Variants in ZNF385B observed in about 807,000 individuals in gnomAD.
The protein encoded by ZNF385B is zinc finger protein 385B, also known as zinc finger protein 533.
ZNF385B carries 23 observed loss-of-function variants against 39.2 expected under a neutral mutation model. The ratio of observed to expected loss-of-function variants is 0.59; its 90% confidence interval spans 0.42 to 0.83. The LOEUF is 0.83. Ranked by LOEUF, ZNF385B falls within the 40% of genes least tolerant of loss-of-function variation. The pLI, the probability that ZNF385B is intolerant of heterozygous loss-of-function variation, is 0.00. For synonymous variants in ZNF385B, 205 were observed against 222.6 expected, an observed-to-expected ratio of 0.92 and a Z score of 0.70; for missense variants, 552 against 598.9, an observed-to-expected ratio of 0.92 and a Z score of 0.82.
intron 5 of ZNF385B, among the ~76,000 whole-genome samples, chr2:179,508,005 A>G (rs545253879): frequency 6.6e-6 from 1 of 152,322 alleles, no homozygotes; most frequent in South Asian, 2.1e-4. Context: ...GAGAGATGAA[A>G]GTAGCTAAAG....
intron 3 of ZNF385B, among the ~76,000 whole-genome samples, chr2:179,640,688 G>A (rs938707747): frequency 6.6e-6 from 1 of 152,092 alleles, no homozygotes; most frequent in Non-Finnish European, 1.5e-5. Flanking sequence ...TAAGACAACT[G>A]CTGCTTTGAA....
intron 9 of ZNF385B, 81 bp downstream of exon 9, chr2:179,444,795 C>T (rs2049300089): frequency 2.6e-6 from 3 of 1,162,442 alleles, no homozygotes; most frequent in South Asian, 2.5e-5. Context: ...ACATTAGACT[C>T]TATGCCCTCC....
At chr2:179,545,525 G>A (rs902814795) in intron 3 of ZNF385B, among the ~76,000 whole-genome samples, 2 of 151,960 alleles carry the variant, frequency 1.3e-5, no homozygotes, top group African/African-American at 4.8e-5. Flanking sequence ...CTCTTACTTT[G>A]AAGTAAATGG....
At chr2:179,794,259 C>G (rs1705514801) in intron 1 of ZNF385B, among the ~76,000 whole-genome samples, 1 of 152,156 alleles carries the variant, frequency 6.6e-6, no homozygotes, top group African/African-American at 2.4e-5. Flanking sequence ...TATGCCCACC[C>G]AACCTCCACA....
intron 1 of ZNF385B, among the ~76,000 whole-genome samples, chr2:179,790,872 G>A (rs1413713100): frequency 6.6e-6 from 1 of 152,148 alleles, no homozygotes; most frequent in Non-Finnish European, 1.5e-5. Flanking sequence ...AGCTTTGTTT[G>A]TTATTTGCTT....
At chr2:179,730,054 G>C (rs1701289409) in intron 3 of ZNF385B, among the ~76,000 whole-genome samples, 1 of 152,154 alleles carries the variant, frequency 6.6e-6, no homozygotes, top group Non-Finnish European at 1.5e-5. Flanking sequence ...CCCCAGGCTA[G>C]GGTTGCTTTA....
intron 6 of ZNF385B, among the ~76,000 whole-genome samples, chr2:179,459,754 C>A (rs1360036976): frequency 1.3e-5 from 2 of 150,332 alleles, no homozygotes; most frequent in African/African-American, 2.4e-5. Flanking sequence ...TAATAAATAT[C>A]AAAGCACATA....
At chr2:179,826,191 C>T (rs1707673187) in intron 1 of ZNF385B, among the ~76,000 whole-genome samples, 1 of 152,104 alleles carries the variant, frequency 6.6e-6, no homozygotes, top group South Asian at 2.1e-4. Flanking sequence ...AATTGTCAAA[C>T]AAGAATGGAG....
At chr2:179,795,380 G>T (rs1005051173) in intron 1 of ZNF385B, among the ~76,000 whole-genome samples, 1 of 152,094 alleles carries the variant, frequency 6.6e-6, no homozygotes, top group African/African-American at 2.4e-5. Flanking sequence ...TCCCTTGAAG[G>T]CAAAAAGAGA....
chr2:179,552,632 G>A (rs753611482), intron 3 of ZNF385B, among the ~76,000 whole-genome samples: 1 of 148,454 alleles, frequency 6.7e-6, no homozygotes, highest in Non-Finnish European at 1.5e-5. Flanking sequence ...CAGGATAATT[G>A]CCATCACCGC....
intron 3 of ZNF385B, among the ~76,000 whole-genome samples, chr2:179,761,269 G>A (rs972344418): frequency 6.6e-6 from 1 of 152,060 alleles, no homozygotes; most frequent in Non-Finnish European, 1.5e-5. Flanking sequence ...TCTTGTCTAT[G>A]TCTACAAAAA....
At chr2:179,621,822 C>T (rs192057535) in intron 3 of ZNF385B, among the ~76,000 whole-genome samples, 76 of 152,228 alleles carry the variant, frequency 5.0e-4, no homozygotes, top group Admixed American at 1.5e-3. Flanking sequence ...ATAATTACTT[C>T]GGAAACAAAA....
chr2:179,570,493 A>G (rs1468827612), intron 3 of ZNF385B, among the ~76,000 whole-genome samples: 1 of 152,186 alleles, frequency 6.6e-6, no homozygotes, highest in Non-Finnish European at 1.5e-5. Flanking sequence ...TTATTCTCTG[A>G]GCCTCAATTT....
At chr2:179,778,492 T>C (rs1458746330) in intron 1 of ZNF385B, among the ~76,000 whole-genome samples, 1 of 152,176 alleles carries the variant, frequency 6.6e-6, no homozygotes, top group Non-Finnish European at 1.5e-5. Context: ...ACATAGGCAA[T>C]TGAATGGATG....
chr2:179,767,057 C>T (rs1703741773), intron 3 of ZNF385B, among the ~76,000 whole-genome samples: 1 of 152,146 alleles, frequency 6.6e-6, no homozygotes, highest in South Asian at 2.1e-4. Flanking sequence ...CATATGAGAA[C>T]AGACGACACA....
chr2:179,653,618 AT>A (rs1693424241), intron 3 of ZNF385B, among the ~76,000 whole-genome samples: 1 of 152,206 alleles, frequency 6.6e-6, no homozygotes, highest in South Asian at 2.1e-4. Flanking sequence ...ACTCTGACTG[AT>A]ACCACATACA....
At chr2:179,661,017 C>T (rs529929990) in intron 3 of ZNF385B, among the ~76,000 whole-genome samples, 18 of 152,220 alleles carry the variant, frequency 1.2e-4, no homozygotes, top group East Asian at 1.2e-3. Flanking sequence ...GAAGTTTTAT[C>T]GGTACTTGTT....
intron 6 of ZNF385B, among the ~76,000 whole-genome samples, chr2:179,472,904 AC>A (rs1238192193): frequency 6.6e-6 from 1 of 152,166 alleles, no homozygotes; most frequent in Non-Finnish European, 1.5e-5. Context: ...ACATACAGCA[AC>A]CTGTCAACCT....
chr2:179,737,982 C>T (rs1247242647), intron 3 of ZNF385B, among the ~76,000 whole-genome samples: 2 of 152,164 alleles, frequency 1.3e-5, no homozygotes, highest in Non-Finnish European at 2.9e-5. Flanking sequence ...ATTTAACATG[C>T]TCATATAATC....
Sources: allele counts gnomAD v4.1 joint callset (sites outside exome capture counted in the v4.1 genomes callset), GRCh38; gene constraint gnomAD v4.1.1; transcripts MANE v1.5; gene names NCBI Gene and HGNC (gene_info 2026-07-23, HGNC 2026-07-21).